The following RAD51B variants were observed in gnomAD, a reference collection of about 807,000 sequenced individuals.
The protein encoded by RAD51B is DNA repair protein RAD51 homolog 2.
A neutral mutation model predicts 42.2 loss-of-function variants in RAD51B; 38 were observed. The observed-to-expected ratio is 0.90, with a 90% CI of 0.70 to 1.18. RAD51B has a LOEUF of 1.18. Ranked by LOEUF, RAD51B falls within the 50% of genes most tolerant of loss-of-function variation. The pLI is 0.00. For synonymous variants in RAD51B, 154 were observed against 145.2 expected (o/e 1.06, Z -0.43); for missense variants, 373 against 400.7 (o/e 0.93, Z 0.59).
chr14:68,208,707 G>A (rs2079643487), intron 7 of RAD51B, among the ~76,000 whole-genome samples: 1 of 152,150 alleles, frequency 6.6e-6, no homozygotes, highest in South Asian at 2.1e-4. Flanking sequence ...GGACACAGCT[G>A]GAAAATGATA....
At chr14:68,531,825 CCT>C (rs934734505) in intron 10 of RAD51B, among the ~76,000 whole-genome samples, 3 of 151,922 alleles carry the variant, frequency 2.0e-5, no homozygotes, top group African/African-American at 7.3e-5. Flanking sequence ...ATAGGAAGAC[CCT>C]GTCACTACGA....
At chr14:68,106,790 A>T (rs893300100) in intron 7 of RAD51B, among the ~76,000 whole-genome samples, 5 of 151,902 alleles carry the variant, frequency 3.3e-5, no homozygotes, top group African/African-American at 9.7e-5. Flanking sequence ...TTAGACTTTT[A>T]AAAAACTCAT....
chr14:68,112,346 A>G (rs1009956568), intron 7 of RAD51B, among the ~76,000 whole-genome samples: 1 of 151,822 alleles, frequency 6.6e-6, no homozygotes, highest in Non-Finnish European at 1.5e-5. Flanking sequence ...CATCCCCTCC[A>G]CACCTTCTTT....
chr14:68,631,940 A>G (rs1892237497), intron 10 of RAD51B, among the ~76,000 whole-genome samples: 2 of 152,094 alleles, frequency 1.3e-5, no homozygotes, highest in Non-Finnish European at 2.9e-5. Flanking sequence ...TCATCTTTCG[A>G]TCCTCTGCAT....
At chr14:68,551,499 T>C (rs1377601210) in intron 10 of RAD51B, among the ~76,000 whole-genome samples, 2 of 152,176 alleles carry the variant, frequency 1.3e-5, no homozygotes, top group Non-Finnish European at 2.9e-5. Context: ...CTGGCAGGAT[T>C]CCCCCCTTCC....
At chr14:68,484,359 CTTTT>C (rs10665607) in intron 10 of RAD51B, among the ~76,000 whole-genome samples, 16 of 130,166 alleles carry the variant, frequency 1.2e-4, no homozygotes, top group African/African-American at 4.8e-4. Flanking sequence ...CTTTCTTTTT[CTTTT>C]TTTTTTTTTT....
intron 7 of RAD51B, among the ~76,000 whole-genome samples, chr14:68,083,505 G>A (rs190212042): frequency 1.9e-4 from 29 of 152,212 alleles, no homozygotes; most frequent in Non-Finnish European, 2.6e-4. Context: ...TAAATTTTGC[G>A]CTCGTTGTAT....
chr14:67,852,060 C>A (rs1027076778), intron 4 of RAD51B, among the ~76,000 whole-genome samples: 17 of 152,290 alleles, frequency 1.1e-4, no homozygotes, highest in African/African-American at 3.6e-4. Context: ...CCCTCCCCAG[C>A]CTGAGAGCAG....
chr14:67,991,400 C>A (rs1402799362), intron 7 of RAD51B, among the ~76,000 whole-genome samples: 2 of 152,160 alleles, frequency 1.3e-5, no homozygotes, highest in African/African-American at 4.8e-5. Flanking sequence ...TTTCCTTCTT[C>A]TTAGGAAGGC....
At chr14:68,356,681 T>G (rs1412277477) in intron 8 of RAD51B, among the ~76,000 whole-genome samples, 1 of 151,830 alleles carries the variant, frequency 6.6e-6, no homozygotes, top group Non-Finnish European at 1.5e-5. Context: ...CTGTAGCAAT[T>G]TCTTAAAAAA....
At chr14:68,194,194 A>G (rs1239337281) in intron 7 of RAD51B, among the ~76,000 whole-genome samples, 2 of 152,226 alleles carry the variant, frequency 1.3e-5, no homozygotes, top group African/African-American at 4.8e-5. Context: ...GGCAATTGCT[A>G]TTTTGTAATG....
At chr14:68,645,692 C>T (rs1014578546) in intron 10 of RAD51B, among the ~76,000 whole-genome samples, 6 of 152,144 alleles carry the variant, frequency 3.9e-5, no homozygotes, top group Admixed American at 2.6e-4. Flanking sequence ...TGATAGTCAT[C>T]CTAATGGGTG....
chr14:68,421,729 ATCT>A, intron 9 of RAD51B: 2 of 1,590,886 alleles, frequency 1.3e-6, no homozygotes, highest in South Asian at 1.1e-5. Flanking sequence ...AGCAATGGTG[ATCT>A]TCTTGCTGGT....
chr14:68,014,948 G>A (rs1003113662), intron 7 of RAD51B, among the ~76,000 whole-genome samples: 3 of 151,910 alleles, frequency 2.0e-5, no homozygotes, highest in Non-Finnish European at 2.9e-5. Context: ...AGGGCCACCC[G>A]GGATGCTTTG....
intron 7 of RAD51B, among the ~76,000 whole-genome samples, chr14:68,092,429 C>T (rs10145309): frequency 6.6e-6 from 1 of 151,754 alleles, no homozygotes; most frequent in Non-Finnish European, 1.5e-5. Context: ...CTTGTAAGTT[C>T]GATTCCTAGG....
intron 7 of RAD51B, among the ~76,000 whole-genome samples, chr14:67,991,180 A>C (rs1176801689): frequency 3.9e-5 from 6 of 152,168 alleles, no homozygotes; most frequent in Non-Finnish European, 8.8e-5. Flanking sequence ...CACAGCCTTC[A>C]GGCAGGAAGA....
chr14:68,253,098 A>G (rs1321463013), intron 7 of RAD51B, among the ~76,000 whole-genome samples: 2 of 152,046 alleles, frequency 1.3e-5, no homozygotes, highest in Non-Finnish European at 2.9e-5. Context: ...AAAAAAAAGA[A>G]TGTTCCTCAT....
chr14:68,377,560 G>A (rs1160616857), intron 8 of RAD51B, among the ~76,000 whole-genome samples: 2 of 152,200 alleles, frequency 1.3e-5, no homozygotes, highest in Non-Finnish European at 2.9e-5. Context: ...CTGCAATGAC[G>A]TCTGCATCAG....
chr14:68,564,763 A>G (rs1196265563), intron 10 of RAD51B, among the ~76,000 whole-genome samples: 1 of 152,228 alleles, frequency 6.6e-6, no homozygotes, highest in African/African-American at 2.4e-5. Context: ...GAAAACCTTG[A>G]GAGTGAGGTG....
Sources: allele counts gnomAD v4.1 joint callset (sites outside exome capture counted in the v4.1 genomes callset), GRCh38; gene constraint gnomAD v4.1.1; transcripts MANE v1.5; gene names NCBI Gene and HGNC (gene_info 2026-07-23, HGNC 2026-07-21).